PIWIL1: variants seen among roughly 807,000 people sequenced by gnomAD.
PIWIL1 encodes piwi like RNA-mediated gene silencing 1, also known as piwi-like protein 1.
PIWIL1 carries 73 observed loss-of-function variants against 114.4 expected under a neutral mutation model. The ratio of observed to expected loss-of-function variants is 0.64; its 90% confidence interval spans 0.53 to 0.78. The LOEUF is 0.78. PIWIL1 is among the 30% of genes least tolerant of loss of function. PIWIL1 has a pLI of 0.00. For missense variants in PIWIL1, 723 were observed against 1,063.1 expected (o/e 0.68, Z 4.45); for synonymous variants, 375 against 369.0 (o/e 1.02, Z -0.19).
At position 130,369,054 on chromosome 12, in the gene PIWIL1, T is replaced by A. The variant is rs576343688; in HGVS notation, c.2321+1796T>A. Among the ~76,000 whole-genome samples, 4 of 152,244 alleles carry A rather than the reference T, an allele frequency of 2.6e-5. No individual in the cohort carries two copies. In the East Asian group the frequency reaches 5.8e-4, roughly 22 times the overall value. ...TTATCCTGATGCTCTTCCTCCTCCTTACCCCCCAACAGGCCCCAGTGTGTG... is the reference window on the plus strand; with the variant it reads ...TTATCCTGATGCTCTTCCTCCTCCTAACCCCCCAACAGGCCCCAGTGTGTG... On this transcript the variant is annotated intron_variant, in intron 19 of 20. Coordinates refer to ENST00000245255, the MANE Select transcript of PIWIL1 (RefSeq NM_004764.5).
At chr12:130,403,549 T>C in the PIWIL1 span, among the ~76,000 whole-genome samples, 32,578 of 152,124 alleles carry the variant, frequency 0.21, 4,307 homozygotes, top group South Asian at 0.3. Flanking sequence ...AAGATAACCA[T>C]TTAAGCAAAT....
intron 14 of PIWIL1, among the ~76,000 whole-genome samples, chr12:130,358,071 C>A (rs1482708960): frequency 1.3e-5 from 2 of 152,172 alleles, no homozygotes; most frequent in African/African-American, 2.4e-5. Flanking sequence ...AAGCTCTTTC[C>A]CCTTTTACCT....
chr12:130,378,207 C>T, the PIWIL1 span, among the ~76,000 whole-genome samples: 1 of 152,262 alleles, frequency 6.6e-6, no homozygotes, highest in Middle Eastern at 3.4e-3. Context: ...AGTGACCTGC[C>T]TCTGGAATCT....
chr12:130,351,341 C>A (rs1391690907), intron 9 of PIWIL1: 6 of 152,176 alleles, frequency 3.9e-5, no homozygotes, highest in African/African-American at 1.2e-4. Context: ...GCCCAGACCC[C>A]TTTTACTATA....
chr12:130,381,363 T>A, the PIWIL1 span, among the ~76,000 whole-genome samples: 1 of 152,216 alleles, frequency 6.6e-6, no homozygotes, highest in Non-Finnish European at 1.5e-5. Flanking sequence ...TAACCACTCA[T>A]GTTTTCACTG....
chr12:130,354,152 A>G (rs948768915), intron 9 of PIWIL1, among the ~76,000 whole-genome samples: 1 of 152,090 alleles, frequency 6.6e-6, no homozygotes, highest in Non-Finnish European at 1.5e-5. Flanking sequence ...TTTATTAGTA[A>G]GTTCTCTCAG....
chr12:130,375,680 G>T (rs1056076052), downstream of PIWIL1, among the ~76,000 whole-genome samples: 1 of 151,736 alleles, frequency 6.6e-6, no homozygotes, highest in African/African-American at 2.4e-5. Context: ...TGCAAAACTG[G>T]TGTCATTTTT....
At position 130,349,933 on chromosome 12, in the gene PIWIL1, G is replaced by A. The variant is rs1393587464; in HGVS notation, c.1010G>A (p.Gly337Asp). The change falls in exon 9 of 21, where the codon GGC (glycine) becomes GAC (aspartate). Residue 337 changes from glycine (G) to aspartate (D), a missense_variant. Gly to Asp is a moderately conservative substitution (Grantham distance 94). This residue lies in a region of PIWIL1 where 298 missense variants were observed against 420.8 expected (regional missense o/e 0.71). Coordinates refer to ENST00000245255, the MANE Select transcript of PIWIL1 (RefSeq NM_004764.5). ...NPKSTFKKAD[G>D]SEVSFLEYYR... ...AAGAGCACCTTTAAGAAAGCCGACGGCTCTGAAGTCAGCTTCTTAGAATAC... is the reference window on the plus strand; with the variant it reads ...AAGAGCACCTTTAAGAAAGCCGACGACTCTGAAGTCAGCTTCTTAGAATAC... The A allele has an allele frequency of 6.2e-7, 1 of 1,612,674 alleles. No homozygotes were observed. Among genetic ancestry groups the A allele is most frequent in the East Asian group, 2.2e-5 (1 of 44,864 alleles).
chr12:130,404,662 G>A, the PIWIL1 span, among the ~76,000 whole-genome samples: 4 of 152,300 alleles, frequency 2.6e-5, no homozygotes, highest in African/African-American at 9.6e-5. Context: ...TTTTCTGACA[G>A]ATGAAAGGAA....
the PIWIL1 span, among the ~76,000 whole-genome samples, chr12:130,408,459 T>C: frequency 1.3e-5 from 2 of 152,180 alleles, no homozygotes; most frequent in African/African-American, 4.8e-5. Flanking sequence ...ACAGTCGACT[T>C]AGAGGTGCAT....
At chr12:130,424,835 C>T in the PIWIL1 span, 17 of 1,232,486 alleles carry the variant, frequency 1.4e-5, no homozygotes, top group Admixed American at 4.2e-5. This position sits in a 1 kb window ranked among gnomAD's most constrained non-coding sequence, Gnocchi z 9.8. Flanking sequence ...AAGTGCCTTC[C>T]GAGGTCCTAT....
At chr12:130,385,564 G>A in the PIWIL1 span, among the ~76,000 whole-genome samples, 5 of 152,100 alleles carry the variant, frequency 3.3e-5, no homozygotes, top group East Asian at 1.9e-4. Context: ...CTGAAGATGC[G>A]TCTATGTGAA....
At chr12:130,415,140 C>T in the PIWIL1 span, among the ~76,000 whole-genome samples, 1 of 152,082 alleles carries the variant, frequency 6.6e-6, no homozygotes, top group Non-Finnish European at 1.5e-5. Flanking sequence ...AACACAGATG[C>T]AAAAATCCTC....
intron 1 of PIWIL1, among the ~76,000 whole-genome samples, chr12:130,338,742 T>C (rs1381752312): frequency 1.8e-5 from 2 of 112,688 alleles, no homozygotes; most frequent in Non-Finnish European, 3.6e-5. Context: ...GTTTGGGAGA[T>C]GCAGGAGCCT....
At chr12:130,414,456 G>A in the PIWIL1 span, 21 of 687,658 alleles carry the variant, frequency 3.1e-5, no homozygotes, top group Non-Finnish European at 4.3e-5. Context: ...GAAATAGATC[G>A]GGAGGTCTAG....
At chr12:130,376,560 T>C (rs541044605), downstream of PIWIL1, among the ~76,000 whole-genome samples, 37 of 152,344 alleles carry the variant, frequency 2.4e-4, no homozygotes, top group African/African-American at 8.9e-4. Context: ...CTTGAAGCCC[T>C]GTTCCAGCTC....
chr12:130,348,292 C>G (rs1338668556), intron 7 of PIWIL1, 109 bp downstream of exon 7: 3 of 611,134 alleles, frequency 4.9e-6, no homozygotes, highest in African/African-American at 1.9e-5. Flanking sequence ...TTAATGCCGC[C>G]CATCACATTA....
At chr12:130,403,395 A>C in the PIWIL1 span, among the ~76,000 whole-genome samples, 1 of 152,236 alleles carries the variant, frequency 6.6e-6, no homozygotes, top group South Asian at 2.1e-4. Flanking sequence ...GAAACTAAGA[A>C]GATAAAACAT....
At chr12:130,404,354 A>AT in the PIWIL1 span, among the ~76,000 whole-genome samples, 2 of 152,108 alleles carry the variant, frequency 1.3e-5, no homozygotes, top group African/African-American at 4.8e-5. Context: ...CTGGAGTGCA[A>AT]TGGCATGATC....
Sources: gnomAD v4.1 joint callset for allele counts (sites outside exome capture counted in the v4.1 genomes callset) on GRCh38, gnomAD v4.1.1 for gene constraint, gnomAD v4.1.1 regional missense constraint, Gnocchi (gnomAD v3.1) non-coding constraint, MANE v1.5 for transcripts, NCBI Gene and HGNC (gene_info 2026-07-23, HGNC 2026-07-21) for gene names.